Variants in KIF18B observed in about 807,000 individuals in gnomAD.
KIF18B encodes kinesin family member 18B, also known as kinesin-like protein KIF18B.
Under a neutral mutation model 80.9 loss-of-function variants are expected in KIF18B, and 49 were observed. The observed-to-expected ratio is 0.61, with a 90% CI of 0.48 to 0.77. The LOEUF (loss-of-function observed/expected upper bound fraction) is 0.77. Among genes scored for constraint, KIF18B ranks in the 30% least tolerant of loss-of-function variants. KIF18B has a pLI of 0.00. For missense variants in KIF18B, 994 were observed against 1,127.7 expected (o/e 0.88, Z 1.70); for synonymous variants, 439 against 463.9 (o/e 0.95, Z 0.69).
chr17:44,932,264 G>A (rs1313868252), intron 9 of KIF18B, 58 bp from the exon 10 acceptor site: 1 of 1,524,118 alleles, frequency 6.6e-7, no homozygotes, highest in Non-Finnish European at 8.8e-7. Context: ...AGGAGGGTTT[G>A]AGAGGCAGGA....
At chr17:44,944,593 C>T (rs1350010955) in intron 1 of KIF18B, among the ~76,000 whole-genome samples, 1 of 152,106 alleles carries the variant, frequency 6.6e-6, no homozygotes, top group African/African-American at 2.4e-5. Context: ...GTAAAATAGA[C>T]CCAATATGTT....
intron 3 of KIF18B, 92 bp downstream of exon 3, chr17:44,935,167 G>A: frequency 7.4e-7 from 1 of 1,350,214 alleles, no homozygotes; most frequent in Non-Finnish European, 9.9e-7. Context: ...TCCATTTCCT[G>A]CCACCCTGTC....
At chr17:44,947,503 GCACCT>G (rs1567803760) in intron 1 of KIF18B, 120 bp downstream of exon 1, 5 of 152,342 alleles carry the variant, frequency 3.3e-5, no homozygotes, top group African/African-American at 1.2e-4. Flanking sequence ...TCTCCGCGCC[GCACCT>G]TGACGTCCAG....
At chr17:44,937,789 T>C (rs1251461361) in intron 1 of KIF18B, among the ~76,000 whole-genome samples, 5 of 152,174 alleles carry the variant, frequency 3.3e-5, no homozygotes, top group Admixed American at 3.3e-4. Context: ...TGTTGAATAA[T>C]AATGATGATA....
chr17:44,939,595 T>C (rs1301007456), intron 1 of KIF18B, among the ~76,000 whole-genome samples: 4 of 151,998 alleles, frequency 2.6e-5, no homozygotes, highest in African/African-American at 9.7e-5. Context: ...AGATTTTAAT[T>C]TGGATTATTT....
chr17:44,936,285 C>A lies in KIF18B; in HGVS notation c.60G>T (p.Arg20=). 2 of 1,610,950 alleles carry A rather than the reference C, an allele frequency of 1.2e-6. No homozygotes were observed. Among genetic ancestry groups the A allele is most frequent in the South Asian group, 2.2e-5 (2 of 90,436 alleles). Residue 20 remains arginine (R), a synonymous_variant, in exon 2 of 16, where the codon CGG becomes CGT. Coordinates refer to ENST00000593135, the MANE Select transcript of KIF18B (RefSeq NM_001265577.2). ...VVVRVRPPTP[R]ELDSQRRPVV... The stretch of plus-strand genomic sequence containing the variant: ...CTGGCCGCCGCTGACTGTCCAGCTC[C>A]CGAGGGGTGGGGGGCCGCACCCGTA...
chr17:44,925,209 G>C lies in KIF18B; in HGVS notation c.*871C>G, dbSNP rs2052000711. The C allele has an allele frequency of 6.6e-6, 1 of 152,460 alleles. No homozygotes were observed. 9.4% of individuals were successfully genotyped at this position (152,460 alleles called of 1,614,324 possible). ...CTCACGCCTGTAATCCCAGCACTTT[G>C]GGAGGCCGAGGCGGGTGGATCATGA... is the stretch of plus-strand genomic sequence containing the variant. On this transcript the variant is annotated 3_prime_UTR_variant, in exon 16 of 16. Transcript: ENST00000593135.
chr17:44,927,997 G>A lies in KIF18B; in HGVS notation c.2276+29C>T, dbSNP rs773509785. 3 of 1,500,486 alleles carry A rather than the reference G, an allele frequency of 2.0e-6. No individual in the cohort carries two copies. The highest frequency in any genetic ancestry group is 2.7e-6 in the Non-Finnish European group (3 of 1,121,998). 92.9% of individuals were successfully genotyped at this position (1,500,486 alleles called of 1,614,324 possible). A position where few individuals can be genotyped will look rare whatever the true frequency, so the allele number is the denominator to read the frequency against. On this transcript the variant is annotated intron_variant, in intron 13 of 15. Transcript: ENST00000593135. The surrounding 1 kb of genome is among the most constrained non-coding windows in gnomAD (Gnocchi z 4.1). ...CTTGCTGACCACTGACCACTGACAG[G>A]AGGGGTGGAGCGAGACTGGGAGACC...
intron 11 of KIF18B, 68 bp downstream of exon 11, chr17:44,931,534 C>T (rs918227696): frequency 1.2e-6 from 2 of 1,607,664 alleles, no homozygotes; most frequent in African/African-American, 2.7e-5. Flanking sequence ...ACACCAATTC[C>T]CACACCCAGG....
intron 1 of KIF18B, among the ~76,000 whole-genome samples, chr17:44,938,163 C>T (rs957223981): frequency 2.0e-5 from 3 of 152,188 alleles, no homozygotes; most frequent in African/African-American, 4.8e-5. Context: ...TTACAGGTGC[C>T]CGCCGGTGCG....
intron 2 of KIF18B, 82 bp from the exon 3 acceptor site, chr17:44,935,498 C>A: frequency 7.1e-7 from 1 of 1,414,472 alleles, no homozygotes; most frequent in Non-Finnish European, 9.6e-7. Flanking sequence ...AGCCCCTTTC[C>A]TTTTCCTCCT....
At position 44,927,949 on chromosome 17, in the gene KIF18B, T is replaced by G. The variant is rs564329837; in HGVS notation, c.2276+77A>C. Reference sequence around the variant, plus strand: ...CCAGCTCCAAGGCTGTCCTCCATACTTCTCAGCAGCACCAAGAAGTCCCTT... The same window carrying G: ...CCAGCTCCAAGGCTGTCCTCCATACGTCTCAGCAGCACCAAGAAGTCCCTT... On this transcript the variant is annotated intron_variant, in intron 13 of 15. Coordinates refer to ENST00000593135, the MANE Select transcript of KIF18B (RefSeq NM_001265577.2). The surrounding 1 kb of genome is among the most constrained non-coding windows in gnomAD (Gnocchi z 4.1). 7.8e-7 allele frequency: 1 copy of G among 1,290,126 alleles called. No homozygotes were observed. The highest frequency in any genetic ancestry group is 1.1e-6 in the Non-Finnish European group (1 of 951,802). 79.9% of individuals were successfully genotyped at this position (1,290,126 alleles called of 1,614,324 possible).
chr17:44,933,684 G>A (rs530346866), intron 7 of KIF18B, among the ~76,000 whole-genome samples: 9 of 152,096 alleles, frequency 5.9e-5, no homozygotes, highest in Middle Eastern at 3.4e-3. Context: ...GTAGAGATGG[G>A]GTTTCATCAT....
intron 1 of KIF18B, among the ~76,000 whole-genome samples, chr17:44,937,040 C>T (rs1208826373): frequency 6.7e-6 from 1 of 150,320 alleles, no homozygotes; most frequent in South Asian, 2.1e-4. Flanking sequence ...CCTTTCATAA[C>T]CCTCATGTAT....
rs1171883828 is a variant in KIF18B, at chr17:44,931,622, C to T, written c.1497G>A (p.Leu499=). The T allele has an allele frequency of 1.1e-5, 18 of 1,613,986 alleles. No homozygotes were observed. In the East Asian group the frequency reaches 4.0e-4, roughly 36 times the overall value. ...CCTACTGCTTAGAACGGTCCCCATC[C>T]AGTTCCCGTGCTGAGAAGTGGCCCA... ...PVVGHFSARE[L]DGDRSKQLAL... Residue 499 remains leucine (L), a synonymous_variant, in exon 11 of 16, where the codon CTG becomes CTA. Transcript: ENST00000593135.
At position 44,927,351 on chromosome 17, in the gene KIF18B, C is replaced by T. The variant is rs757284486; in HGVS notation, c.2277-273G>A. 8.5e-5 allele frequency among the ~76,000 whole-genome samples: 13 copies of T among 152,192 alleles called. No homozygotes were observed. The highest frequency in any genetic ancestry group is 2.6e-4 in the Admixed American group (4 of 15,284). ...TCACCCTTCCACCTGCCCAGCTCTG[C>T]GCTTGTTACCGAGAGCTGCTTCTCG... On this transcript the variant is annotated intron_variant, in intron 13 of 15. Coordinates refer to ENST00000593135, the MANE Select transcript of KIF18B (RefSeq NM_001265577.2). This position sits in a 1 kb window ranked among gnomAD's most constrained non-coding sequence, Gnocchi z 4.1.
chr17:44,930,983 G>T (rs1309236445), intron 11 of KIF18B, among the ~76,000 whole-genome samples: 2 of 152,190 alleles, frequency 1.3e-5, no homozygotes, highest in South Asian at 2.1e-4. Flanking sequence ...ACACTGCCTA[G>T]CATGAAGCGT....
rs371368321 is a variant in KIF18B at position 44,936,138 on chromosome 17, C to T, written c.207G>A (p.Thr69=). The change falls in exon 2 of 16, where the codon ACG becomes ACA. Residue 69 remains threonine, a synonymous_variant. Coordinates refer to ENST00000593135, the MANE Select transcript of KIF18B (RefSeq NM_001265577.2). ...DGPKKKGKDL[T]FVFDRVFGEA... ...CGCCAAAGACCCGGTCAAAGACAAA[C>T]GTCAGGTCTTTGCCCTTCTTCTTGG... 1.7e-5 allele frequency: 27 copies of T among 1,613,798 alleles called. No individual in the cohort carries two copies. Among genetic ancestry groups the T allele is most frequent in the African/African-American group, 1.3e-4 (10 of 75,038 alleles).
At position 44,934,283 on chromosome 17, in the gene KIF18B, G is replaced by A. The variant is rs200632237; in HGVS notation, c.835C>T (p.Arg279Cys). 2.1e-5 allele frequency: 34 copies of A among 1,613,394 alleles called. No homozygotes were observed. The highest frequency in any genetic ancestry group is 4.5e-5 in the East Asian group (2 of 44,872). Residue 279 changes from arginine to cysteine, a missense_variant, in exon 6 of 16, where the codon CGC becomes TGC. Arg to Cys is a radical substitution (Grantham distance 180). Transcript: ENST00000593135. This position sits in a 1 kb window ranked among gnomAD's most constrained non-coding sequence, Gnocchi z 5.4. ...ACGTTGATGAGCGCCAGCAGAGAGC[G>A]GTTGATGTTGGCCCCCTCCCGCAGC... is the stretch of plus-strand genomic sequence containing the variant. ...ERLREGANIN[R>C]SLLALINVLN...
Sources: allele counts gnomAD v4.1 joint callset (sites outside exome capture counted in the v4.1 genomes callset), GRCh38; gene constraint gnomAD v4.1.1; non-coding constraint Gnocchi (gnomAD v3.1); transcripts MANE v1.5; gene names NCBI Gene and HGNC (gene_info 2026-07-23, HGNC 2026-07-21).